Variants in SCARA5 observed in about 807,000 individuals in gnomAD.
SCARA5 encodes scavenger receptor class A, member 5 (putative).
A neutral mutation model predicts 46.3 loss-of-function variants in SCARA5; 45 were observed. That is an observed-to-expected ratio of 0.97 (90% CI 0.76 to 1.24). The LOEUF (loss-of-function observed/expected upper bound fraction) is 1.24, where lower values mean the gene tolerates loss of function less well. Ranked by LOEUF, SCARA5 falls within the 50% of genes most tolerant of loss-of-function variation. The pLI is 0.00. For synonymous variants in SCARA5, 333 were observed against 306.5 expected, an observed-to-expected ratio of 1.09 and a Z score of -0.90; for missense variants, 680 against 689.0, an observed-to-expected ratio of 0.99 and a Z score of 0.15.
chr8:27,921,998 G>A lies in SCARA5; in HGVS notation c.489C>T (p.Thr163=). ...CCCGCAGCAGGGCCACCGCCTGCTC[G>A]GTCTGCACCGCCTGCGCCTGCAGCC... ...LWGLQAQAVQ[T]EQAVALLRDR... is the part of the protein sequence containing the mutation. The change falls in exon 4 of 9, where the codon ACC becomes ACT. Residue 163 remains threonine, a synonymous_variant. Transcript: ENST00000354914. 2.6e-6 allele frequency: 4 copies of A among 1,559,970 alleles called. No individual in the cohort carries two copies. The highest frequency in any genetic ancestry group is 3.4e-6 in the Non-Finnish European group (4 of 1,160,978).
chr8:27,873,994 G>A (rs769054687), intron 8 of SCARA5, among the ~76,000 whole-genome samples: 3 of 152,168 alleles, frequency 2.0e-5, no homozygotes, highest in African/African-American at 4.8e-5. Flanking sequence ...AGGTTACAGC[G>A]AGCCGAGATC....
chr8:27,961,181 T>C (rs1808288705), intron 3 of SCARA5, among the ~76,000 whole-genome samples: 1 of 152,234 alleles, frequency 6.6e-6, no homozygotes, highest in South Asian at 2.1e-4. Context: ...AATCTCATGT[T>C]GAAGTCAGAT....
chr8:27,980,033 G>C (rs1438109295), intron 2 of SCARA5, among the ~76,000 whole-genome samples: 1 of 152,180 alleles, frequency 6.6e-6, no homozygotes, highest in African/African-American at 2.4e-5. Flanking sequence ...AGGTAACCTT[G>C]CACTTGAGCC....
intron 7 of SCARA5, among the ~76,000 whole-genome samples, chr8:27,888,932 G>A (rs189459223): frequency 3.3e-5 from 5 of 152,282 alleles, no homozygotes; most frequent in Non-Finnish European, 5.9e-5. Context: ...GGGGCTCATT[G>A]TTTCACCCCA....
At chr8:27,909,326 T>A (rs1304218624) in intron 5 of SCARA5, among the ~76,000 whole-genome samples, 1 of 152,036 alleles carries the variant, frequency 6.6e-6, no homozygotes, top group East Asian at 1.9e-4. Flanking sequence ...TGGGACAGCA[T>A]CTTCAAAGGG....
chr8:27,921,525 C>T (rs1807583411), intron 4 of SCARA5, 46 bp downstream of exon 4: 7 of 1,482,252 alleles, frequency 4.7e-6, no homozygotes, highest in South Asian at 1.4e-5. Context: ...GAGGAAGACC[C>T]CATCAGAAGG....
chr8:27,962,110 C>T (rs958684756), intron 3 of SCARA5, among the ~76,000 whole-genome samples: 58 of 152,212 alleles, frequency 3.8e-4, no homozygotes, highest in African/African-American at 2.2e-4. Context: ...AGAGAGACCC[C>T]GAATGAAGCC....
intron 7 of SCARA5, among the ~76,000 whole-genome samples, chr8:27,880,121 CT>C (rs1806788346): frequency 6.7e-6 from 1 of 150,076 alleles, no homozygotes; most frequent in South Asian, 2.1e-4. Flanking sequence ...ATAAATGGCG[CT>C]GGGATAGTTG....
At chr8:27,884,514 C>G (rs1307910906) in intron 7 of SCARA5, among the ~76,000 whole-genome samples, 1 of 152,228 alleles carries the variant, frequency 6.6e-6, no homozygotes, top group African/African-American at 2.4e-5. Context: ...GCAACAGAAG[C>G]CACAGTGTGG....
intron 8 of SCARA5, 99 bp downstream of exon 8, chr8:27,879,470 C>G (rs1019787626): frequency 6.5e-5 from 78 of 1,193,276 alleles, no homozygotes; most frequent in Non-Finnish European, 8.8e-5. Context: ...CTGGGGACCT[C>G]GCGGAATTGC....
intron 1 of SCARA5, among the ~76,000 whole-genome samples, chr8:27,991,353 C>A (rs1191164671): frequency 6.6e-6 from 1 of 152,216 alleles, no homozygotes; most frequent in Non-Finnish European, 1.5e-5. Context: ...CTCTGCCTGG[C>A]AGCCAGGTAA....
chr8:27,916,402 C>T (rs1238514363), intron 4 of SCARA5, among the ~76,000 whole-genome samples: 4 of 108,890 alleles, frequency 3.7e-5, no homozygotes, highest in East Asian at 2.4e-4. Context: ...CATATGTATA[C>T]GTATATGTGC....
intron 7 of SCARA5, among the ~76,000 whole-genome samples, chr8:27,891,845 C>G (rs1806988975): frequency 6.6e-6 from 1 of 152,222 alleles, no homozygotes; most frequent in African/African-American, 2.4e-5. Context: ...GCATTCAGTT[C>G]ATGCTGGACT....
chr8:27,917,096 A>G (rs1001995345), intron 4 of SCARA5, among the ~76,000 whole-genome samples: 3 of 152,216 alleles, frequency 2.0e-5, no homozygotes, highest in African/African-American at 7.2e-5. Context: ...TGGACTGCCC[A>G]GTCCTAGAAC....
intron 7 of SCARA5, among the ~76,000 whole-genome samples, chr8:27,881,007 G>A (rs185774267): frequency 1.5e-4 from 23 of 152,150 alleles, no homozygotes; most frequent in Non-Finnish European, 2.6e-4. Flanking sequence ...ACTATCTCAC[G>A]CCAGTCAGAA....
chr8:27,956,421 C>T (rs1002261746), intron 3 of SCARA5, among the ~76,000 whole-genome samples: 2 of 152,192 alleles, frequency 1.3e-5, no homozygotes, highest in African/African-American at 4.8e-5. Flanking sequence ...TGGGACTTCT[C>T]AGAAACCTCT....
intron 7 of SCARA5, among the ~76,000 whole-genome samples, chr8:27,886,877 T>A (rs761165524): frequency 6.6e-6 from 1 of 152,166 alleles, no homozygotes; most frequent in Non-Finnish European, 1.5e-5. Flanking sequence ...CTCAGCCTGG[T>A]CCGTGACTTC....
chr8:27,871,979 GT>G lies in SCARA5; in HGVS notation c.1442del (p.Asn481ThrfsTer10). 1 of 1,614,264 alleles carries G rather than the reference GT, an allele frequency of 6.2e-7. No homozygotes were observed. The highest frequency in any genetic ancestry group is 8.5e-7 in the Non-Finnish European group (1 of 1,180,056). On this transcript the variant is annotated frameshift_variant, in exon 9 of 9. Coordinates refer to ENST00000354914, the MANE Select transcript of SCARA5 (RefSeq NM_173833.6). LOFTEE classifies it high-confidence loss of function. The part of the protein sequence containing the change: ...RCSFSKWGVT[N>X]CGHAEDASVT... ...CGCTGGCATCTTCGGCATGTCCACA[GT>G]TTGTCACCCCCCATTTGGAGAAGCT...
chr8:27,951,540 C>T (rs919849230), intron 3 of SCARA5, among the ~76,000 whole-genome samples: 1 of 152,230 alleles, frequency 6.6e-6, no homozygotes, highest in East Asian at 1.9e-4. Flanking sequence ...CAAGGTCACA[C>T]AGCTTGTGGC....
Sources: allele counts gnomAD v4.1 joint callset (sites outside exome capture counted in the v4.1 genomes callset), GRCh38; gene constraint gnomAD v4.1.1; transcripts MANE v1.5; gene names NCBI Gene and HGNC (gene_info 2026-07-23, HGNC 2026-07-21).